Variants in ARHGEF6 observed in about 807,000 individuals in gnomAD.
The protein encoded by ARHGEF6 is Rac/Cdc42 guanine nucleotide exchange factor 6, also known as rho guanine nucleotide exchange factor 6.
ARHGEF6 carries 9 observed loss-of-function variants against 70.3 expected under a neutral mutation model. The ratio of observed to expected loss-of-function variants is 0.13; its 90% CI spans 0.08 to 0.22. ARHGEF6 has a LOEUF of 0.22. Ranked by LOEUF, ARHGEF6 falls within the 10% of genes least tolerant of loss-of-function variation. The pLI is 1.00. For missense variants in ARHGEF6, 470 were observed against 563.0 expected (o/e 0.83, Z 1.67); for synonymous variants, 201 against 207.8 (o/e 0.97, Z 0.28).
At chrX:136,694,771 G>A (rs1055241662) in intron 9 of ARHGEF6, among the ~76,000 whole-genome samples, 1 of 111,883 alleles carries the variant, frequency 8.9e-6, no homozygotes, top group African/African-American at 3.3e-5. Context: ...GGGAGAGGGA[G>A]GGGAAATCCC....
intron 5 of ARHGEF6, among the ~76,000 whole-genome samples, chrX:136,743,039 C>G: frequency 9.0e-6 from 1 of 111,705 alleles, no homozygotes; most frequent in Non-Finnish European, 1.9e-5. Flanking sequence ...ATTTCATTCT[C>G]TGGCTATTGT....
chrX:136,686,643 C>CACATATATATATATAT lies in ARHGEF6; in HGVS notation c.1246-821_1246-820insATATATATATATATGT, dbSNP rs1569393963. On this transcript the variant is annotated intron_variant, in intron 11 of 21. Transcript: ENST00000250617. ...ATATACACATATATATATATATATA[C>CACATATATATATATAT]ACACATATATATATACACATGTGTA... Among the ~76,000 whole-genome samples, 27 of 50,940 alleles carry CACATATATATATATAT rather than the reference C, an allele frequency of 5.3e-4. 1 individual carries two copies. The highest frequency in any genetic ancestry group is 3.3e-3 in the African/African-American group (25 of 7,648). The allele number at this position is 50,940 out of a possible 115,157, so 44.2% of individuals were successfully genotyped here. A position where few individuals can be genotyped will look rare whatever the true frequency, so the allele number is the denominator to read the frequency against.
chrX:136,747,618 T>G, intron 2 of ARHGEF6, 26 bp from the exon 3 acceptor site: 1 of 1,008,660 alleles, frequency 9.9e-7, no homozygotes, highest in Non-Finnish European at 1.4e-6. Context: ...ATTGAAACCG[T>G]AAGACACTAC....
At position 136,738,979 on chromosome X, in the gene ARHGEF6, G is replaced by A. The variant is rs950558842; in HGVS notation, c.661+4606C>T. Reference sequence around the variant, plus strand: ...CTGCTAGTTTCTCTACACCCTTGCTGGTTATTCCTACCACTTCCCTGAAAT... The same window carrying A: ...CTGCTAGTTTCTCTACACCCTTGCTAGTTATTCCTACCACTTCCCTGAAAT... On this transcript the variant is annotated intron_variant, in intron 5 of 21. Transcript: ENST00000250617. Among the ~76,000 whole-genome samples, 6 of 111,647 alleles carry A rather than the reference G, an allele frequency of 5.4e-5. No homozygotes were observed. In the East Asian group the frequency reaches 1.7e-3, roughly 31 times the overall value.
intron 9 of ARHGEF6, among the ~76,000 whole-genome samples, chrX:136,699,066 A>T (rs1298551574): frequency 8.9e-6 from 1 of 112,039 alleles, no homozygotes; most frequent in East Asian, 2.8e-4. Flanking sequence ...AATGAAGGGA[A>T]ATAGAAATGG....
At chrX:136,677,805 T>C in intron 17 of ARHGEF6, 131 bp downstream of exon 17, 1 of 499,162 alleles carries the variant, frequency 2.0e-6, no homozygotes, top group Admixed American at 3.3e-5. Flanking sequence ...CATGTCAAAA[T>C]TGCATCTTCA....
In ARHGEF6 at chrX:136,666,183, C is replaced by T. The variant is rs1421169749; in HGVS notation, c.*1846G>A. On this transcript the variant is annotated 3_prime_UTR_variant, in exon 22 of 22. Transcript: ENST00000250617. ...TTTACTCTTCAGCTTCCAAACACGGCTGTGTGTGGTTGGCTGATGTTGGAC... is the reference window on the plus strand; with the variant it reads ...TTTACTCTTCAGCTTCCAAACACGGTTGTGTGTGGTTGGCTGATGTTGGAC... 2 of 112,622 alleles carry T rather than the reference C, an allele frequency of 1.8e-5. No individual in the cohort carries two copies. The highest frequency in any genetic ancestry group is 3.8e-5 in the Non-Finnish European group (2 of 53,326). The allele number at this position is 112,622 out of a possible 1,213,427, so 9.3% of individuals were successfully genotyped here.
rs185219557 is a variant in ARHGEF6 at position 136,756,275 on chromosome X, G to A, written c.250-8683C>T. Among the ~76,000 whole-genome samples, 190 of 111,546 alleles carry A rather than the reference G, an allele frequency of 1.7e-3. 1 individual carries two copies. Among genetic ancestry groups the A allele is most frequent in the Admixed American group, 3.2e-3 (34 of 10,538 alleles). Reference sequence around the variant, plus strand: ...CTCTGTGACCACGAGGTGACCAAAGGTGCTTCAGACTCTACGGTTGTTAAT... The same window carrying A: ...CTCTGTGACCACGAGGTGACCAAAGATGCTTCAGACTCTACGGTTGTTAAT... On this transcript the variant is annotated intron_variant, in intron 2 of 21. Coordinates refer to ENST00000250617, the MANE Select transcript of ARHGEF6 (RefSeq NM_004840.3).
At chrX:136,686,531 C>T (rs952601721) in intron 11 of ARHGEF6, among the ~76,000 whole-genome samples, 2 of 97,150 alleles carry the variant, frequency 2.1e-5, no homozygotes, top group Non-Finnish European at 4.1e-5. Flanking sequence ...GAAAAAATTA[C>T]AGTTTGCCAA....
chrX:136,697,251 C>A lies in ARHGEF6; in HGVS notation c.1047-6503G>T, dbSNP rs774236910. 6.3e-5 allele frequency among the ~76,000 whole-genome samples: 7 copies of A among 111,414 alleles called. No homozygotes were observed. In the East Asian group the frequency reaches 1.1e-3, roughly 18 times the overall value. On this transcript the variant is annotated intron_variant, in intron 9 of 21. Coordinates refer to ENST00000250617, the MANE Select transcript of ARHGEF6 (RefSeq NM_004840.3). ...GATATTCAAGCTTAAGAGCTCTTGC[C>A]AAAACAAAGGAGATTTTGGTAGTAA...
intron 2 of ARHGEF6, among the ~76,000 whole-genome samples, chrX:136,754,942 C>T (rs2077190608): frequency 9.0e-6 from 1 of 111,550 alleles, no homozygotes; most frequent in African/African-American, 3.3e-5. Context: ...CCAATGCCCC[C>T]ACTCCCACCC....
chrX:136,751,238 G>A (rs760693926), intron 2 of ARHGEF6, among the ~76,000 whole-genome samples: 8 of 112,216 alleles, frequency 7.1e-5, no homozygotes, highest in Admixed American at 3.8e-4. Flanking sequence ...GGTGTTAATT[G>A]TGAATTATTG....
chrX:136,677,197 TAAG>T (rs1859428130), intron 17 of ARHGEF6, among the ~76,000 whole-genome samples: 2 of 112,211 alleles, frequency 1.8e-5, no homozygotes, highest in Admixed American at 1.9e-4. Flanking sequence ...GTCCCACAAA[TAAG>T]AATATAATTT....
intron 7 of ARHGEF6, among the ~76,000 whole-genome samples, chrX:136,712,266 G>A (rs981647072): frequency 9.0e-6 from 1 of 110,726 alleles, no homozygotes; most frequent in Admixed American, 9.6e-5. Flanking sequence ...GCACTACCAC[G>A]CCCGGCTAAT....
intron 9 of ARHGEF6, among the ~76,000 whole-genome samples, chrX:136,697,771 G>A (rs1020492791): frequency 8.9e-6 from 1 of 112,312 alleles, no homozygotes; most frequent in Admixed American, 9.4e-5. Flanking sequence ...CAGAGAGTGG[G>A]GAATGAAATC....
At chrX:136,750,792 G>C (rs2050671856) in intron 2 of ARHGEF6, among the ~76,000 whole-genome samples, 2 of 102,047 alleles carry the variant, frequency 2.0e-5, no homozygotes, top group Non-Finnish European at 4.0e-5. Context: ...TACATCAGTA[G>C]ATGAAATCAA....
chrX:136,707,080 C>T (rs752979784), intron 8 of ARHGEF6, 50 bp from the exon 9 acceptor site: 1 of 1,190,434 alleles, frequency 8.4e-7, no homozygotes, highest in African/African-American at 1.8e-5. Context: ...AAACAGGAGG[C>T]AAAGGAAGAT....
At position 136,685,968 on chromosome X, in the gene ARHGEF6, T is replaced by C. The variant is rs972156308; in HGVS notation, c.1246-145A>G. ...TGAATCCCATGACCCAGGCCTGTTC[T>C]TGATAGACAGAAAGATCCACTACCC... On this transcript the variant is annotated intron_variant, in intron 11 of 21. Coordinates refer to ENST00000250617, the MANE Select transcript of ARHGEF6 (RefSeq NM_004840.3). The C allele has an allele frequency of 5.7e-5, 35 of 617,802 alleles. No homozygotes were observed. The Admixed American group carries it at 9.0e-4, about 16-fold the overall frequency. The allele number at this position is 617,802 out of a possible 1,213,427, so 50.9% of individuals were successfully genotyped here. A position where few individuals can be genotyped will look rare whatever the true frequency, so the allele number is the denominator to read the frequency against.
At chrX:136,768,685 G>C (rs1366515277) in intron 2 of ARHGEF6, 1 of 112,179 alleles carries the variant, frequency 8.9e-6, no homozygotes, top group Non-Finnish European at 1.9e-5. Flanking sequence ...TGGTTAGGCC[G>C]GGCCTTGTGC....
Sources: gnomAD v4.1 joint callset for allele counts (sites outside exome capture counted in the v4.1 genomes callset) on GRCh38, gnomAD v4.1.1 for gene constraint, MANE v1.5 for transcripts, NCBI Gene and HGNC (gene_info 2026-07-23, HGNC 2026-07-21) for gene names.